The following GALNT13 variants were observed in gnomAD, a reference collection of about 807,000 sequenced individuals.
The protein encoded by GALNT13 is polypeptide N-acetylgalactosaminyltransferase 13.
A neutral mutation model predicts 64.2 loss-of-function variants in GALNT13; 28 were observed. The observed-to-expected ratio is 0.44, with a 90% confidence interval of 0.32 to 0.60. GALNT13 has a LOEUF of 0.60. GALNT13 is among the 20% of genes least tolerant of loss of function. The pLI is 0.05. For synonymous variants in GALNT13, 214 were observed against 224.6 expected (o/e 0.95, Z 0.42); for missense variants, 577 against 669.8 (o/e 0.86, Z 1.53).
chr2:153,688,327 T>G, the GALNT13 span, among the ~76,000 whole-genome samples: 1 of 151,996 alleles, frequency 6.6e-6, no homozygotes, highest in Non-Finnish European at 1.5e-5. Flanking sequence ...GAGAAAACTT[T>G]CATAGAACAT....
intron 7 of GALNT13, among the ~76,000 whole-genome samples, chr2:154,256,326 T>C (rs1690372475): frequency 6.6e-6 from 1 of 151,962 alleles, no homozygotes; most frequent in African/African-American, 2.4e-5. Flanking sequence ...CCTAAGCTAG[T>C]GTTTTGCTGA....
chr2:153,912,717 C>G (rs1361884893), intron 2 of GALNT13, among the ~76,000 whole-genome samples: 1 of 152,126 alleles, frequency 6.6e-6, no homozygotes, highest in African/African-American at 2.4e-5. Context: ...TTTTCTAATT[C>G]TGGGTGACTC....
At chr2:153,109,152 T>C in the GALNT13 span, among the ~76,000 whole-genome samples, 2 of 152,118 alleles carry the variant, frequency 1.3e-5, no homozygotes. Context: ...TCATGGGATG[T>C]TGGTAATTCA....
intron 3 of GALNT13, among the ~76,000 whole-genome samples, chr2:154,025,107 G>C (rs1445264590): frequency 6.6e-6 from 1 of 152,094 alleles, no homozygotes; most frequent in African/African-American, 2.4e-5. Context: ...GCCCCTACTG[G>C]GGGGTGCCTC....
At chr2:154,390,870 T>A (rs943540162) in intron 9 of GALNT13, among the ~76,000 whole-genome samples, 2 of 152,206 alleles carry the variant, frequency 1.3e-5, no homozygotes, top group Non-Finnish European at 1.5e-5. Flanking sequence ...TGTGTCACCT[T>A]CTAATGTATT....
At chr2:154,299,042 TATAAA>T (rs1328996092) in intron 8 of GALNT13, among the ~76,000 whole-genome samples, 1 of 146,818 alleles carries the variant, frequency 6.8e-6, no homozygotes, top group Non-Finnish European at 1.5e-5. Flanking sequence ...ATATATTATA[TATAAA>T]ATATAAAATG....
At chr2:153,502,323 C>A in the GALNT13 span, among the ~76,000 whole-genome samples, 1 of 152,198 alleles carries the variant, frequency 6.6e-6, no homozygotes. Flanking sequence ...CCACTTATGA[C>A]TGAGAACATG....
At chr2:153,432,587 C>G in the GALNT13 span, among the ~76,000 whole-genome samples, 2 of 151,990 alleles carry the variant, frequency 1.3e-5, no homozygotes, top group Admixed American at 1.3e-4. Flanking sequence ...CAAGTTTCAC[C>G]TATTGCTTGG....
the GALNT13 span, among the ~76,000 whole-genome samples, chr2:153,585,377 A>G: frequency 6.6e-6 from 1 of 152,170 alleles, no homozygotes; most frequent in Non-Finnish European, 1.5e-5. Context: ...CAGTTAGACA[A>G]AAGTAAAGCA....
At chr2:154,257,471 G>A (rs773836667) in intron 7 of GALNT13, 2 of 152,054 alleles carry the variant, frequency 1.3e-5, no homozygotes, top group Admixed American at 6.6e-5. Flanking sequence ...TATAGTTATT[G>A]CCATAGTGTT....
At chr2:153,398,886 T>G in the GALNT13 span, among the ~76,000 whole-genome samples, 2 of 130,912 alleles carry the variant, frequency 1.5e-5, no homozygotes, top group African/African-American at 6.0e-5. Flanking sequence ...CTGTTCACTC[T>G]GATGGTAGTT....
chr2:154,137,169 T>C (rs555342905), intron 3 of GALNT13, among the ~76,000 whole-genome samples: 1 of 152,228 alleles, frequency 6.6e-6, no homozygotes, highest in South Asian at 2.1e-4. Flanking sequence ...AAAAGTGTTT[T>C]CTTCTGGTAA....
the GALNT13 span, among the ~76,000 whole-genome samples, chr2:153,631,587 C>T: frequency 2.0e-5 from 3 of 152,114 alleles, no homozygotes; most frequent in South Asian, 2.1e-4. Flanking sequence ...TTTCATGTAT[C>T]TGTTGGCTGC....
At chr2:153,110,306 A>G in the GALNT13 span, among the ~76,000 whole-genome samples, 1 of 152,118 alleles carries the variant, frequency 6.6e-6, no homozygotes, top group South Asian at 2.1e-4. Flanking sequence ...ATTTTATCCT[A>G]AGAGATCTAA....
At chr2:154,369,295 C>A (rs1242017348) in intron 9 of GALNT13, among the ~76,000 whole-genome samples, 1 of 151,968 alleles carries the variant, frequency 6.6e-6, no homozygotes, top group Non-Finnish European at 1.5e-5. Context: ...GTCCTGCTCA[C>A]TTACATGTAA....
intron 3 of GALNT13, among the ~76,000 whole-genome samples, chr2:153,945,636 A>G (rs996324910): frequency 6.6e-6 from 1 of 152,160 alleles, no homozygotes; most frequent in African/African-American, 2.4e-5. Flanking sequence ...TATTTATTGA[A>G]CAAAATATTT....
the GALNT13 span, among the ~76,000 whole-genome samples, chr2:153,633,031 G>A: frequency 6.6e-6 from 1 of 152,074 alleles, no homozygotes; most frequent in Non-Finnish European, 1.5e-5. Flanking sequence ...AAAGTGCTGG[G>A]ATTACAGGCG....
chr2:153,267,778 C>T, the GALNT13 span, among the ~76,000 whole-genome samples: 45 of 152,316 alleles, frequency 3.0e-4, no homozygotes, highest in African/African-American at 1.0e-3. Flanking sequence ...CTGCAGCAGG[C>T]TTGAATTTCT....
At chr2:153,160,195 G>C in the GALNT13 span, among the ~76,000 whole-genome samples, 1 of 152,158 alleles carries the variant, frequency 6.6e-6, no homozygotes, top group South Asian at 2.1e-4. Flanking sequence ...TTACAGATAA[G>C]AGGAACTGCA....
Sources: allele counts gnomAD v4.1 joint callset (sites outside exome capture counted in the v4.1 genomes callset), GRCh38; gene constraint gnomAD v4.1.1; transcripts MANE v1.5; gene names NCBI Gene and HGNC (gene_info 2026-07-23, HGNC 2026-07-21).